TRAPPC9: variants seen among roughly 807,000 people sequenced by gnomAD.
TRAPPC9 encodes IKK2 binding protein.
In TRAPPC9, 83 loss-of-function variants were observed where a neutral mutation model predicts 124.0. The observed-to-expected ratio is 0.67, with a 90% CI of 0.56 to 0.80. The LOEUF is 0.80. TRAPPC9 is among the 30% of genes least tolerant of loss of function. The pLI is 0.00. For synonymous variants in TRAPPC9, 638 were observed against 617.5 expected, an observed-to-expected ratio of 1.03 and a Z score of -0.49; for missense variants, 1,302 against 1,508.3, an observed-to-expected ratio of 0.86 and a Z score of 2.27.
At chr8:140,270,515 G>A (rs902236383) in intron 15 of TRAPPC9, among the ~76,000 whole-genome samples, 2 of 152,194 alleles carry the variant, frequency 1.3e-5, no homozygotes, top group African/African-American at 2.4e-5. Flanking sequence ...CACTGCCTTG[G>A]AGAGACCATA....
intron 7 of TRAPPC9, among the ~76,000 whole-genome samples, chr8:140,374,213 G>A (rs1355655864): frequency 1.3e-5 from 2 of 152,214 alleles, no homozygotes; most frequent in Non-Finnish European, 2.9e-5. Context: ...GTACAGCAGC[G>A]AACAGAAGCC....
intron 9 of TRAPPC9, among the ~76,000 whole-genome samples, chr8:140,349,364 C>G (rs1183445089): frequency 1.7e-4 from 16 of 95,758 alleles, no homozygotes; most frequent in Admixed American, 3.1e-4. Context: ...GAGGGAAGGG[C>G]GCGCGAGGGA....
chr8:140,124,259 G>C (rs973833246), intron 17 of TRAPPC9, among the ~76,000 whole-genome samples: 2 of 152,154 alleles, frequency 1.3e-5, no homozygotes, highest in African/African-American at 4.8e-5. Context: ...GTGCAGGGGG[G>C]GCTCTGCCTG....
intron 17 of TRAPPC9, among the ~76,000 whole-genome samples, chr8:140,164,510 T>C (rs919247249): frequency 2.0e-5 from 3 of 152,236 alleles, no homozygotes; most frequent in Non-Finnish European, 4.4e-5. Flanking sequence ...CCTCAGACGC[T>C]GGGATGCAGA....
At chr8:139,890,680 T>C (rs1830283615) in intron 20 of TRAPPC9, among the ~76,000 whole-genome samples, 2 of 152,144 alleles carry the variant, frequency 1.3e-5, no homozygotes, top group South Asian at 4.1e-4. Context: ...AAACATCTGT[T>C]CTCATAACCC....
intron 21 of TRAPPC9, among the ~76,000 whole-genome samples, chr8:139,759,772 C>A (rs1458738027): frequency 1.3e-5 from 2 of 152,200 alleles, no homozygotes; most frequent in African/African-American, 4.8e-5. Context: ...GGGCTGGCAC[C>A]CGCTCCTGCC....
chr8:140,199,077 CAGAG>C (rs1563839287), intron 17 of TRAPPC9, among the ~76,000 whole-genome samples: 2 of 152,060 alleles, frequency 1.3e-5, no homozygotes, highest in South Asian at 2.1e-4. Flanking sequence ...CAGGAGAATT[CAGAG>C]AGAGAGAAGA....
At chr8:140,423,707 CAT>C (rs1378276841) in intron 5 of TRAPPC9, among the ~76,000 whole-genome samples, 4 of 151,078 alleles carry the variant, frequency 2.6e-5, no homozygotes, top group African/African-American at 7.3e-5. Context: ...CATGTATACA[CAT>C]ATATACATAT....
At chr8:139,733,417 C>T (rs933574365) in intron 21 of TRAPPC9, among the ~76,000 whole-genome samples, 1 of 151,930 alleles carries the variant, frequency 6.6e-6, no homozygotes, top group African/African-American at 2.4e-5. Context: ...TGTGGTCGTT[C>T]GCTGTGGCAG....
At chr8:139,919,076 C>A (rs1832337470) in intron 19 of TRAPPC9, among the ~76,000 whole-genome samples, 1 of 152,208 alleles carries the variant, frequency 6.6e-6, no homozygotes. Context: ...GCTCAGGCGC[C>A]CACCACTGCT....
At chr8:139,892,460 G>A (rs890666740) in intron 20 of TRAPPC9, among the ~76,000 whole-genome samples, 1 of 152,196 alleles carries the variant, frequency 6.6e-6, no homozygotes, top group Non-Finnish European at 1.5e-5. Flanking sequence ...AGGTCCTAGG[G>A]CCCCACTAGG....
chr8:140,058,868 G>A (rs1842432429), intron 17 of TRAPPC9, among the ~76,000 whole-genome samples: 1 of 152,186 alleles, frequency 6.6e-6, no homozygotes, highest in African/African-American at 2.4e-5. Flanking sequence ...GGAGAGTCGG[G>A]AGAGTCAGGA....
chr8:140,140,984 A>G (rs2061373990), intron 17 of TRAPPC9, among the ~76,000 whole-genome samples: 1 of 152,194 alleles, frequency 6.6e-6, no homozygotes, highest in African/African-American at 2.4e-5. Context: ...CAACATTTCT[A>G]CAGAGCACTT....
intron 3 of TRAPPC9, among the ~76,000 whole-genome samples, chr8:140,437,255 GA>G (rs2070846990): frequency 6.6e-6 from 1 of 152,082 alleles, no homozygotes; most frequent in Non-Finnish European, 1.5e-5. Flanking sequence ...GGTGAAGTAA[GA>G]TTTTTTTATT....
At chr8:139,972,056 C>T (rs1430370189) in intron 19 of TRAPPC9, among the ~76,000 whole-genome samples, 1 of 151,952 alleles carries the variant, frequency 6.6e-6, no homozygotes, top group Non-Finnish European at 1.5e-5. Flanking sequence ...GAACTCCTGA[C>T]CTCAAGTCAT....
At chr8:140,128,127 T>C (rs2061131924) in intron 17 of TRAPPC9, among the ~76,000 whole-genome samples, 1 of 152,246 alleles carries the variant, frequency 6.6e-6, no homozygotes, top group Non-Finnish European at 1.5e-5. Flanking sequence ...TAATTTGTTT[T>C]TATCAATACC....
At chr8:139,848,450 G>A (rs1187847051) in intron 21 of TRAPPC9, among the ~76,000 whole-genome samples, 1 of 152,084 alleles carries the variant, frequency 6.6e-6, no homozygotes. Flanking sequence ...ACAACCCAGA[G>A]AGGAAAACTT....
At chr8:139,919,853 T>A (rs1157442928) in intron 19 of TRAPPC9, among the ~76,000 whole-genome samples, 2 of 152,296 alleles carry the variant, frequency 1.3e-5, no homozygotes, top group South Asian at 2.1e-4. Context: ...ACGGTCTCCA[T>A]GCTCCCTGGT....
intron 20 of TRAPPC9, among the ~76,000 whole-genome samples, chr8:139,892,742 TG>T (rs1472517944): frequency 3.9e-5 from 6 of 152,156 alleles, no homozygotes; most frequent in Non-Finnish European, 7.4e-5. Context: ...CACAGCAGCT[TG>T]GGTACTCCTC....
Sources: gnomAD v4.1 joint callset for allele counts (sites outside exome capture counted in the v4.1 genomes callset) on GRCh38, gnomAD v4.1.1 for gene constraint, MANE v1.5 for transcripts, NCBI Gene and HGNC (gene_info 2026-07-23, HGNC 2026-07-21) for gene names.